The following SNAP91 variants were observed in gnomAD, a reference collection of about 807,000 sequenced individuals.
SNAP91 encodes the protein synaptosome associated protein 91, also known as clathrin coat assembly protein AP180.
In SNAP91, 27 loss-of-function variants were observed where a neutral mutation model predicts 100.3. The observed-to-expected ratio is 0.27, with a 90% CI of 0.20 to 0.37. The LOEUF is 0.37. SNAP91 is among the 10% of genes least tolerant of loss of function. SNAP91 has a pLI of 1.00. For missense variants in SNAP91, 986 were observed against 1,123.7 expected (o/e 0.88, Z 1.75); for synonymous variants, 404 against 398.6 (o/e 1.01, Z -0.16).
intron 3 of SNAP91, among the ~76,000 whole-genome samples, chr6:83,662,951 G>A (rs1044738522): frequency 4.6e-5 from 7 of 152,054 alleles, no homozygotes; most frequent in African/African-American, 1.7e-4. Flanking sequence ...CAGTCTATCA[G>A]TGCTCACTTT....
At chr6:83,607,145 G>A (rs1236981750) in intron 13 of SNAP91, among the ~76,000 whole-genome samples, 1 of 152,136 alleles carries the variant, frequency 6.6e-6, no homozygotes. Context: ...CCTATGAGCT[G>A]GGGATTGATT....
chr6:83,627,544 T>A (rs2128447573), intron 8 of SNAP91, among the ~76,000 whole-genome samples: 1 of 152,118 alleles, frequency 6.6e-6, no homozygotes, highest in East Asian at 1.9e-4. Context: ...GAAAGACCAA[T>A]AACGGAGTTT....
At chr6:83,631,863 T>C (rs2097217505) in intron 8 of SNAP91, among the ~76,000 whole-genome samples, 1 of 152,162 alleles carries the variant, frequency 6.6e-6, no homozygotes, top group Admixed American at 6.5e-5. Flanking sequence ...TGAGGTACCA[T>C]TCCATTCATT....
chr6:83,616,929 G>A (rs912503648), intron 10 of SNAP91, 40 bp downstream of exon 10: 29 of 1,249,312 alleles, frequency 2.3e-5, no homozygotes, highest in Non-Finnish European at 3.2e-5. Context: ...AACGACTGTA[G>A]TATTTTTCAT....
chr6:83,624,167 TA>T (rs764498795), intron 8 of SNAP91, among the ~76,000 whole-genome samples: 9 of 151,930 alleles, frequency 5.9e-5, no homozygotes, highest in Non-Finnish European at 1.2e-4. Context: ...AGCATGGGGA[TA>T]GGGGCAGAGA....
intron 2 of SNAP91, chr6:83,690,473 G>A: frequency 8.6e-7 from 1 of 1,169,434 alleles, no homozygotes; most frequent in South Asian, 1.3e-5. Context: ...ACATTAATAA[G>A]AAAATACTCA....
At chr6:83,652,564 T>C (rs2098253217) in intron 7 of SNAP91, among the ~76,000 whole-genome samples, 1 of 152,158 alleles carries the variant, frequency 6.6e-6, no homozygotes, top group African/African-American at 2.4e-5. Flanking sequence ...TATAGGTATA[T>C]GCTTTATAAA....
chr6:83,671,100 G>T (rs2098777933), intron 2 of SNAP91, among the ~76,000 whole-genome samples: 1 of 151,898 alleles, frequency 6.6e-6, no homozygotes, highest in Non-Finnish European at 1.5e-5. Context: ...GATCAATTTG[G>T]GGTAAACTGG....
chr6:83,671,258 T>C (rs995166177), intron 2 of SNAP91, among the ~76,000 whole-genome samples: 35 of 152,234 alleles, frequency 2.3e-4, no homozygotes, highest in African/African-American at 7.9e-4. Flanking sequence ...TTTATACTTC[T>C]TCAAGATATG....
intron 26 of SNAP91, among the ~76,000 whole-genome samples, chr6:83,563,023 A>G (rs1311835507): frequency 6.6e-6 from 1 of 152,220 alleles, no homozygotes; most frequent in African/African-American, 2.4e-5. Context: ...TTGCAGGTCA[A>G]GTTCTCTTAG....
chr6:83,696,699 C>G (rs1353779148), intron 2 of SNAP91, among the ~76,000 whole-genome samples: 1 of 152,224 alleles, frequency 6.6e-6, no homozygotes, highest in Non-Finnish European at 1.5e-5. Flanking sequence ...TTAAACATCT[C>G]TTCCTCTGCA....
chr6:83,615,710 C>A (rs1399159079), intron 10 of SNAP91, among the ~76,000 whole-genome samples: 2 of 151,928 alleles, frequency 1.3e-5, no homozygotes, highest in Admixed American at 6.6e-5. Flanking sequence ...CTTATCACTG[C>A]AAATTTAAAA....
At chr6:83,575,338 G>A in intron 25 of SNAP91, 12 of 533,372 alleles carry the variant, frequency 2.2e-5, no homozygotes, top group East Asian at 6.8e-5. Flanking sequence ...TTTAGAGTTT[G>A]GACCTCAATA....
Position 83,656,831 on chromosome 6 carries a change from T to C in SNAP91, c.581A>G (p.Asn194Ser). 1.9e-6 allele frequency: 3 copies of C among 1,604,598 alleles called. No individual in the cohort carries two copies. In the South Asian group the frequency reaches 3.3e-5, roughly 18 times the overall value. The change falls in exon 7 of 30, where the codon AAT becomes AGT. Residue 194 changes from asparagine (N) to serine (S), a missense_variant. Physicochemically the swap from Asn to Ser is conservative, Grantham distance 46. This residue lies in a region of SNAP91 where 330 missense variants were observed against 447.5 expected (regional missense o/e 0.74). Coordinates refer to ENST00000369694, the MANE Select transcript of SNAP91 (RefSeq NM_001242792.2). ...HPNELTNGVI[N>S]AAFMLLFKDL... Reference sequence around the variant, plus strand: ...TTTGAAAAGAAGCATAAATGCTGCATTTATGACACCATTTGTTAGTTCATT... The same window carrying C: ...TTTGAAAAGAAGCATAAATGCTGCACTTATGACACCATTTGTTAGTTCATT...
At chr6:83,682,502 T>C (rs1297414494) in intron 2 of SNAP91, among the ~76,000 whole-genome samples, 1 of 152,016 alleles carries the variant, frequency 6.6e-6, no homozygotes, top group Non-Finnish European at 1.5e-5. Flanking sequence ...CCACTGCACC[T>C]GGCCTATCTC....
chr6:83,660,524 C>T (rs1330578022), intron 5 of SNAP91, among the ~76,000 whole-genome samples: 1 of 151,622 alleles, frequency 6.6e-6, no homozygotes, highest in Non-Finnish European at 1.5e-5. Context: ...ATAAGATATG[C>T]ACAAATGTGT....
intron 8 of SNAP91, among the ~76,000 whole-genome samples, chr6:83,626,991 T>C (rs1035657224): frequency 3.3e-5 from 5 of 152,122 alleles, no homozygotes; most frequent in Non-Finnish European, 7.4e-5. Context: ...GGCTGTGGGT[T>C]TGTCATAGAC....
At chr6:83,694,448 C>A (rs2099169069) in intron 2 of SNAP91, among the ~76,000 whole-genome samples, 1 of 152,186 alleles carries the variant, frequency 6.6e-6, no homozygotes, top group South Asian at 2.1e-4. Flanking sequence ...TTGTAGCATG[C>A]CACTAGCTCC....
At chr6:83,689,018 C>A (rs1400744588) in intron 2 of SNAP91, among the ~76,000 whole-genome samples, 1 of 152,162 alleles carries the variant, frequency 6.6e-6, no homozygotes, top group African/African-American at 2.4e-5. Context: ...ATACCCCCAA[C>A]CCCCAGTGAA....
Sources: allele counts gnomAD v4.1 joint callset (sites outside exome capture counted in the v4.1 genomes callset), GRCh38; gene constraint gnomAD v4.1.1; regional missense constraint gnomAD v4.1.1; transcripts MANE v1.5; gene names NCBI Gene and HGNC (gene_info 2026-07-23, HGNC 2026-07-21).